Variants in AGRN observed in about 807,000 individuals in gnomAD.
The protein encoded by AGRN is agrin proteoglycan.
In AGRN, 106 loss-of-function variants were observed where a neutral mutation model predicts 211.0. That is an observed-to-expected ratio of 0.50 (90% CI 0.43 to 0.59). The LOEUF is 0.59. AGRN is among the 20% of genes least tolerant of loss of function. The pLI, the probability that AGRN is intolerant of heterozygous loss-of-function variation, is 0.00. For synonymous variants in AGRN, 1,525 were observed against 1,332.5 expected, an observed-to-expected ratio of 1.14 and a Z score of -3.15; for missense variants, 3,040 against 2,982.6, an observed-to-expected ratio of 1.02 and a Z score of -0.45.
chr1:1,021,745 A>AG (rs1261001618), intron 1 of AGRN, among the ~76,000 whole-genome samples: 4 of 152,220 alleles, frequency 2.6e-5, no homozygotes, highest in Non-Finnish European at 5.9e-5. Context: ...AGCCCGAGGA[A>AG]GGGGCGTCTC....
intron 1 of AGRN, among the ~76,000 whole-genome samples, chr1:1,021,143 G>A (rs1644393577): frequency 6.6e-6 from 1 of 152,240 alleles, no homozygotes; most frequent in Non-Finnish European, 1.5e-5. Flanking sequence ...CACGGAGGTG[G>A]AGAAGGTGGC....
rs1645192490 is a variant in AGRN at position 1,049,109 on chromosome 1, GAC to G, written c.4298+51_4298+52del. The G allele has an allele frequency of 5.1e-6, 5 of 973,422 alleles. No homozygotes were observed. The African/African-American group carries it at 1.2e-4, about 24-fold the overall frequency. 60.3% of individuals were successfully genotyped at this position (973,422 alleles called of 1,614,324 possible). Reference sequence around the variant, plus strand: ...GGGCAGCTCAGGTGGGCGGGGAGGGGACGGGCGGGGGAGGGGGGGCCGGGGCA... The same window carrying G: ...GGGCAGCTCAGGTGGGCGGGGAGGGGGGGCGGGGGAGGGGGGGCCGGGGCA... On this transcript the variant is annotated intron_variant, in intron 24 of 35. Transcript: ENST00000379370.
chr1:1,046,306 G>A (rs756064634), intron 17 of AGRN, 41 bp downstream of exon 17: 2 of 1,611,860 alleles, frequency 1.2e-6, no homozygotes, highest in East Asian at 2.2e-5. Context: ...GACCAGGAAG[G>A]CCTGACGCTG....
intron 2 of AGRN, among the ~76,000 whole-genome samples, chr1:1,027,867 G>A (rs1042668062): frequency 6.6e-6 from 1 of 152,170 alleles, no homozygotes; most frequent in Admixed American, 6.5e-5. Context: ...CTCACACTGG[G>A]CCCTAGGAGA....
Position 1,042,219 on chromosome 1 carries a change from C to T in AGRN, c.1384+57C>T, listed in dbSNP as rs1422446135. The T allele has an allele frequency of 3.3e-6, 5 of 1,530,048 alleles. No individual in the cohort carries two copies. In the Admixed American group the frequency reaches 5.5e-5, roughly 17 times the overall value. 94.8% of individuals were successfully genotyped at this position (1,530,048 alleles called of 1,614,324 possible). ...TGGGCTGCTCCTGCGTCAGTCCCTG[C>T]CTGGACATCACATGCCATCTTCATC... On this transcript the variant is annotated intron_variant, in intron 7 of 35. Coordinates refer to ENST00000379370, the MANE Select transcript of AGRN (RefSeq NM_198576.4).
chr1:1,045,942 G>T, intron 15 of AGRN, 22 bp from the exon 16 acceptor site: 2 of 1,612,824 alleles, frequency 1.2e-6, no homozygotes, highest in Non-Finnish European at 1.7e-6. Flanking sequence ...AGCCACAGAG[G>T]TTTCCCATGC....
intron 3 of AGRN, among the ~76,000 whole-genome samples, chr1:1,039,581 G>A (rs1644880836): frequency 6.6e-6 from 1 of 152,200 alleles, no homozygotes; most frequent in Non-Finnish European, 1.5e-5. Context: ...GGCCATGCTG[G>A]GGGTGGGGGT....
At position 1,055,005 on chromosome 1, in the gene AGRN, G is replaced by T; in HGVS notation, c.*24G>T. 1 of 1,545,784 alleles carries T rather than the reference G, an allele frequency of 6.5e-7. No homozygotes were observed. Among genetic ancestry groups the T allele is most frequent in the Non-Finnish European group, 8.7e-7 (1 of 1,146,628 alleles). On this transcript the variant is annotated 3_prime_UTR_variant, in exon 36 of 36. Transcript: ENST00000379370. Reference sequence around the variant, plus strand: ...GAGCTGGCACCAGAGCCCCGCGCCCGCTGTAATTATTTTCTATTTTTGTAA... The same window carrying T: ...GAGCTGGCACCAGAGCCCCGCGCCCTCTGTAATTATTTTCTATTTTTGTAA...
rs17160775 is a variant in AGRN at position 1,050,446 on chromosome 1, G to T, written c.4996G>T (p.Val1666Phe). 6 of 1,612,928 alleles carry T rather than the reference G, an allele frequency of 3.7e-6. No homozygotes were observed. The highest frequency in any genetic ancestry group is 4.5e-5 in the East Asian group (2 of 44,884). The change falls in exon 29 of 36, where the codon GTC becomes TTC. Residue 1666 changes from valine (V) to phenylalanine (F), a missense_variant. This residue lies in a region of AGRN where 1,537 missense variants were observed against 1,505.0 expected (regional missense o/e 1.02). Coordinates refer to ENST00000379370, the MANE Select transcript of AGRN (RefSeq NM_198576.4). ...RDLGEKMALE[V>F]VFLARGPSGL... ...CCCCAGGGAGAAGATGGCGCTGGAG[G>T]TCGTGTTCCTGGCACGAGGCCCCAG...
chr1:1,034,941 G>A (rs1287671828), intron 2 of AGRN: 12 of 455,802 alleles, frequency 2.6e-5, no homozygotes, highest in Non-Finnish European at 4.4e-5. Flanking sequence ...GGGGCAGCCG[G>A]CTACACTGAG....
intron 34 of AGRN, 141 bp downstream of exon 34, chr1:1,054,118 G>A (rs1202797737): frequency 1.1e-6 from 1 of 926,952 alleles, no homozygotes; most frequent in Non-Finnish European, 1.7e-6. Flanking sequence ...CCAGTGGGAG[G>A]AGGAAGGGCC....
At chr1:1,051,082 C>T in intron 30 of AGRN, 171 bp from the exon 31 acceptor site, 4 of 1,548,242 alleles carry the variant, frequency 2.6e-6, no homozygotes, top group African/African-American at 2.7e-5. Context: ...TCTCTGGCGC[C>T]TCAACCCCTA....
chr1:1,033,339 G>A (rs1275359625), intron 2 of AGRN, among the ~76,000 whole-genome samples: 3 of 151,778 alleles, frequency 2.0e-5, no homozygotes, highest in African/African-American at 7.3e-5. Flanking sequence ...GGGCGGGGCC[G>A]CGGGCGCAGA....
rs575199836 is a variant in AGRN at position 1,032,453 on chromosome 1, A to C, written c.464-2824A>C. 1.5e-4 allele frequency among the ~76,000 whole-genome samples: 23 copies of C among 152,162 alleles called. No homozygotes were observed. The highest frequency in any genetic ancestry group is 3.9e-4 in the Admixed American group (6 of 15,278). On this transcript the variant is annotated intron_variant, in intron 2 of 35. Transcript: ENST00000379370. The surrounding 1 kb of genome is among the most constrained non-coding windows in gnomAD (Gnocchi z 4.7). Reference sequence around the variant, plus strand: ...TGAGACAGGGCACCTGGAAGGAAGGAGGCGTTGGGGAGAGTCCAGATGGAG... The same window carrying C: ...TGAGACAGGGCACCTGGAAGGAAGGCGGCGTTGGGGAGAGTCCAGATGGAG...
At chr1:1,027,450 T>G (rs139739296) in intron 2 of AGRN, among the ~76,000 whole-genome samples, 2,447 of 152,266 alleles carry the variant, frequency 0.016, 41 homozygotes, top group Non-Finnish European at 0.026. Context: ...GCTGGGCTCT[T>G]CCTCTGTCCT....
In AGRN at chr1:1,049,223, C is replaced by T; in HGVS notation, c.4299-13C>T. 2 of 1,566,898 alleles carry T rather than the reference C, an allele frequency of 1.3e-6. No homozygotes were observed. The highest frequency in any genetic ancestry group is 1.7e-6 in the Non-Finnish European group (2 of 1,162,936). ...GCCGGGCGATGGTCCTGAGCACCTG[C>T]TCCTGCCCTCAGGTTTGACACAGGT... On this transcript the variant is annotated splice_polypyrimidine_tract_variant and intron_variant, in intron 24 of 35. Coordinates refer to ENST00000379370, the MANE Select transcript of AGRN (RefSeq NM_198576.4).
At chr1:1,051,938 T>A in intron 33 of AGRN, 123 bp downstream of exon 33, 1 of 1,548,748 alleles carries the variant, frequency 6.5e-7, no homozygotes, top group South Asian at 1.2e-5. Context: ...TCCTCCCGCC[T>A]CTCTCTCACC....
rs1002740441 is a variant in AGRN, at chr1:1,021,414, G to A, written c.202-787G>A. Among the ~76,000 whole-genome samples, 20 of 152,330 alleles carry A rather than the reference G, an allele frequency of 1.3e-4. 1 individual carries two copies. The highest frequency in any genetic ancestry group is 1.2e-3 in the Admixed American group (19 of 15,310). ...TGCGCAACTGGAGGGGGTCCCTGCGGATGCCGCAGTCCTGAGGCTCCCAGC... is the reference window on the plus strand; with the variant it reads ...TGCGCAACTGGAGGGGGTCCCTGCGAATGCCGCAGTCCTGAGGCTCCCAGC... On this transcript the variant is annotated intron_variant, in intron 1 of 35. Coordinates refer to ENST00000379370, the MANE Select transcript of AGRN (RefSeq NM_198576.4).
At position 1,054,852 on chromosome 1, in the gene AGRN, A is replaced by G; in HGVS notation, c.6009A>G (p.Pro2003=). 6.4e-7 allele frequency: 1 copy of G among 1,560,078 alleles called. No individual in the cohort carries two copies. Among genetic ancestry groups the G allele is most frequent in the Non-Finnish European group, 8.7e-7 (1 of 1,153,798 alleles). Residue 2003 remains proline (P), a synonymous_variant, in exon 36 of 36, where the codon CCA becomes CCG. Transcript: ENST00000379370. ...GCCTGCCGGAGCTGCCCGTGGGCCCAGCACTGCCCAAGGCCTACGGCACAG... is the reference window on the plus strand; with the variant it reads ...GCCTGCCGGAGCTGCCCGTGGGCCCGGCACTGCCCAAGGCCTACGGCACAG... The part of the protein sequence containing the change: ...LGGLPELPVG[P]ALPKAYGTGF...
Sources: gnomAD v4.1 joint callset for allele counts (sites outside exome capture counted in the v4.1 genomes callset) on GRCh38, gnomAD v4.1.1 for gene constraint, gnomAD v4.1.1 regional missense constraint, Gnocchi (gnomAD v3.1) non-coding constraint, MANE v1.5 for transcripts, NCBI Gene and HGNC (gene_info 2026-07-23, HGNC 2026-07-21) for gene names.